Variants in AIFM3 observed in about 807,000 individuals in gnomAD.
AIFM3 encodes the protein apoptosis-inducing factor 3.
Under a neutral mutation model 82.7 loss-of-function variants are expected in AIFM3, and 71 were observed. The observed-to-expected ratio is 0.86, with a 90% confidence interval of 0.71 to 1.05. AIFM3 has a LOEUF of 1.05. Ranked by LOEUF, AIFM3 falls within the 50% of genes least tolerant of loss-of-function variation. The probability of loss-of-function intolerance (pLI) is 0.00; values close to 1 mark genes in which losing one functional copy is unlikely to be tolerated. For synonymous variants in AIFM3, 337 were observed against 329.1 expected (o/e 1.02, Z -0.26); for missense variants, 748 against 816.7 (o/e 0.92, Z 1.03).
chr22:20,979,374 C>A lies in AIFM3; in HGVS notation c.1576+5C>A. 6.4e-7 allele frequency: 1 copy of A among 1,551,188 alleles called. No homozygotes were observed. On this transcript the variant is annotated splice_donor_5th_base_variant and intron_variant, in intron 17 of 20. Coordinates refer to ENST00000440238, the MANE Select transcript of AIFM3 (RefSeq NM_001386814.1). ...GCAAGAGCCTGCGCTACGCGGGTAA[C>A]CCCGGGGCCTCGGATGGGGGCGGGG... is the stretch of plus-strand genomic sequence containing the variant.
At chr22:20,969,744 C>T (rs1398273567) in intron 2 of AIFM3, among the ~76,000 whole-genome samples, 1 of 152,150 alleles carries the variant, frequency 6.6e-6, no homozygotes, top group Non-Finnish European at 1.5e-5. Context: ...GCCAGGCCTC[C>T]CCTGTGGGGC....
rs955739482 is a variant in AIFM3 at position 20,981,224 on chromosome 22, C to T, written c.*193C>T. 1.9e-5 allele frequency: 13 copies of T among 682,688 alleles called. No homozygotes were observed. In the African/African-American group the frequency reaches 2.2e-4, roughly 11 times the overall value. The allele number at this position is 682,688 out of a possible 1,614,324, so 42.3% of individuals were successfully genotyped here. Reference sequence around the variant, plus strand: ...TCCAGAAGATGCTCAACCCTCAAGGCCTCTGCTGCCACTGACAGCTGGCAC... The same window carrying T: ...TCCAGAAGATGCTCAACCCTCAAGGTCTCTGCTGCCACTGACAGCTGGCAC... On this transcript the variant is annotated 3_prime_UTR_variant, in exon 21 of 21. Transcript: ENST00000440238.
upstream of AIFM3, among the ~76,000 whole-genome samples, chr22:20,966,075 C>G (rs918162286): frequency 8.1e-4 from 123 of 152,252 alleles, 1 homozygote; most frequent in African/African-American, 2.8e-3. Flanking sequence ...GGCACAGGGG[C>G]CCCACCCAGT....
intron 2 of AIFM3, among the ~76,000 whole-genome samples, chr22:20,971,279 G>A (rs757309647): frequency 6.6e-6 from 1 of 152,200 alleles, no homozygotes; most frequent in Non-Finnish European, 1.5e-5. Context: ...TGGAATGAAA[G>A]CCCCACCCAT....
chr22:20,969,474 T>C (rs1031078907), intron 2 of AIFM3, among the ~76,000 whole-genome samples: 2 of 152,024 alleles, frequency 1.3e-5, no homozygotes. Context: ...CCTTCTCCCA[T>C]GCTGGAGTGC....
chr22:20,981,350 A>C lies in AIFM3; in HGVS notation c.*319A>C. The stretch of plus-strand genomic sequence containing the variant: ...ATTACCGTAAAATTAAAACGCACAA[A>C]TTTGCAGATCTGTATGACTCCCAGT... On this transcript the variant is annotated 3_prime_UTR_variant, in exon 21 of 21. Transcript: ENST00000440238. 1 of 376,174 alleles carries C rather than the reference A, an allele frequency of 2.7e-6. No individual in the cohort carries two copies. Among genetic ancestry groups the C allele is most frequent in the Non-Finnish European group, 5.1e-6 (1 of 197,326 alleles). The allele number at this position is 376,174 out of a possible 1,614,324, so 23.3% of individuals were successfully genotyped here.
intron 8 of AIFM3, 98 bp from the exon 9 acceptor site, chr22:20,975,594 C>T (rs1001426038): frequency 3.0e-5 from 36 of 1,191,470 alleles, no homozygotes; most frequent in Non-Finnish European, 4.1e-5. Flanking sequence ...TGAGTTCTGT[C>T]CTGCAGCCCC....
intron 8 of AIFM3, 99 bp from the exon 9 acceptor site, chr22:20,975,593 T>A (rs1458496333): frequency 5.9e-5 from 70 of 1,182,422 alleles, no homozygotes; most frequent in Non-Finnish European, 8.4e-5. Flanking sequence ...CTGAGTTCTG[T>A]CCTGCAGCCC....
Position 20,967,913 on chromosome 22 carries a change from C to T in AIFM3, c.-32C>T, listed in dbSNP as rs760093700. ...CCTCCGACAGCTCCCCATCTGTGCTCCTGCCTGCCGGCCATCCTCAGGCCA... is the reference window on the plus strand; with the variant it reads ...CCTCCGACAGCTCCCCATCTGTGCTTCTGCCTGCCGGCCATCCTCAGGCCA... On this transcript the variant is annotated 5_prime_UTR_variant, in exon 2 of 21. Transcript: ENST00000440238. 3.1e-6 allele frequency: 5 copies of T among 1,614,036 alleles called. No individual in the cohort carries two copies. Among genetic ancestry groups the T allele is most frequent in the Middle Eastern group, 1.6e-4 (1 of 6,062 alleles).
rs1601703944 is a variant in AIFM3, at chr22:20,973,998, G to A, written c.356-65G>A. On this transcript the variant is annotated intron_variant, in intron 4 of 20. Coordinates refer to ENST00000440238, the MANE Select transcript of AIFM3 (RefSeq NM_001386814.1). ...TGTGGGGAGGGGCCCGCAGTTGCCG[G>A]GGCACTGAGATCCTTGGGAAGCAAC... 17 of 1,524,516 alleles carry A rather than the reference G, an allele frequency of 1.1e-5. No individual in the cohort carries two copies. In the East Asian group the frequency reaches 3.9e-4, roughly 35 times the overall value. The allele number at this position is 1,524,516 out of a possible 1,614,324, so 94.4% of individuals were successfully genotyped here.
At chr22:20,977,465 C>T (rs1923762575) in intron 14 of AIFM3, 1 of 612,814 alleles carries the variant, frequency 1.6e-6, no homozygotes, top group Non-Finnish European at 2.9e-6. Flanking sequence ...TGCTGTCCCT[C>T]CACTTAAGGG....
chr22:20,980,578 C>T (rs539440895), intron 19 of AIFM3, 169 bp from the exon 20 acceptor site: 74 of 790,522 alleles, frequency 9.4e-5, no homozygotes, highest in Admixed American at 1.5e-4. Context: ...TGAGATTCAC[C>T]CTCTGGGAGA....
Position 20,974,175 on chromosome 22 carries a change from G to A in AIFM3, c.465+3G>A, listed in dbSNP as rs1371353704. On this transcript the variant is annotated splice_donor_region_variant and intron_variant, in intron 5 of 20. Transcript: ENST00000440238. Reference sequence around the variant, plus strand: ...TGGACAGTCTACACAAGTTCCAGGTGGGGCCAGGAGTGCGATGGGGTGGGA... The same window carrying A: ...TGGACAGTCTACACAAGTTCCAGGTAGGGCCAGGAGTGCGATGGGGTGGGA... 4.3e-6 allele frequency: 7 copies of A among 1,613,268 alleles called. No homozygotes were observed. Among genetic ancestry groups the A allele is most frequent in the African/African-American group, 2.7e-5 (2 of 74,914 alleles).
intron 16 of AIFM3, 67 bp from the exon 17 acceptor site, chr22:20,979,204 T>A: frequency 6.6e-7 from 1 of 1,510,204 alleles, no homozygotes; most frequent in Non-Finnish European, 9.0e-7. Flanking sequence ...CCCCAGGGCA[T>A]CAGGAGCAGG....
In AIFM3 at chr22:20,980,036, G is replaced by C. The variant is rs1442258632; in HGVS notation, c.1669G>C (p.Ala557Pro). 1.7e-5 allele frequency: 28 copies of C among 1,610,780 alleles called. No individual in the cohort carries two copies. The highest frequency in any genetic ancestry group is 2.3e-5 in the Non-Finnish European group (27 of 1,179,882). ...TCCTTGCAGAGGCGACGAGGTGATC[G>C]CCGTGGCCAGCATGAACTACGATCC... is the stretch of plus-strand genomic sequence containing the variant. ...AFYTKGDEVI[A>P]VASMNYDPIV... The change falls in exon 19 of 21, where the codon GCC becomes CCC. Residue 557 changes from alanine to proline, a missense_variant. By Grantham distance (27) the Ala-to-Pro change is conservative. This residue lies in a region of AIFM3 where 183 missense variants were observed against 158.2 expected (regional missense o/e 1.16). Transcript: ENST00000440238.
chr22:20,980,695 A>T, intron 19 of AIFM3, 52 bp from the exon 20 acceptor site: 2 of 1,613,264 alleles, frequency 1.2e-6, no homozygotes, highest in Non-Finnish European at 8.5e-7. Flanking sequence ...ATGATAAATG[A>T]CATGCTCTCT....
chr22:20,970,777 A>T (rs10222312), intron 2 of AIFM3, among the ~76,000 whole-genome samples: 14 of 152,064 alleles, frequency 9.2e-5, no homozygotes, highest in Non-Finnish European at 2.1e-4. Flanking sequence ...CAATTTTTAA[A>T]TTTTTTGTAG....
At chr22:20,977,132 C>G in intron 14 of AIFM3, 37 bp downstream of exon 14, 14 of 1,612,836 alleles carry the variant, frequency 8.7e-6, no homozygotes, top group Non-Finnish European at 9.3e-6. Context: ...ACAAAGCAGC[C>G]CAGCCGTCTG....
upstream of AIFM3, among the ~76,000 whole-genome samples, chr22:20,965,958 G>A (rs1462652404): frequency 6.6e-6 from 1 of 152,184 alleles, no homozygotes; most frequent in East Asian, 1.9e-4. Context: ...AATAGCACTC[G>A]GGCGCTCTGC....
Sources: gnomAD v4.1 joint callset for allele counts (sites outside exome capture counted in the v4.1 genomes callset) on GRCh38, gnomAD v4.1.1 for gene constraint, gnomAD v4.1.1 regional missense constraint, MANE v1.5 for transcripts, NCBI Gene and HGNC (gene_info 2026-07-23, HGNC 2026-07-21) for gene names.